DHX15: variants seen among roughly 807,000 people sequenced by gnomAD.
The protein encoded by DHX15 is ATP-dependent RNA helicase DHX15.
In DHX15, 11 loss-of-function variants were observed where a neutral mutation model predicts 94.4. The observed-to-expected ratio is 0.12, with a 90% CI of 0.07 to 0.19. The LOEUF is 0.19. DHX15 is among the 10% of genes least tolerant of loss of function. The pLI, the probability that DHX15 is intolerant of heterozygous loss-of-function variation, is 1.00. For missense variants in DHX15, 304 were observed against 988.5 expected (o/e 0.31, Z 9.29); for synonymous variants, 338 against 329.9 (o/e 1.02, Z -0.27).
intron 5 of DHX15, among the ~76,000 whole-genome samples, chr4:24,549,384 T>A (rs562943926): frequency 6.6e-6 from 1 of 152,204 alleles, no homozygotes; most frequent in African/African-American, 2.4e-5. Context: ...CTAAAAGAAA[T>A]TGATGTGCTA....
chr4:24,551,686 G>A (rs1420091801), intron 5 of DHX15, among the ~76,000 whole-genome samples: 1 of 152,082 alleles, frequency 6.6e-6, no homozygotes, highest in African/African-American at 2.4e-5. Flanking sequence ...CTGCTGGCAT[G>A]CAAATAAAAA....
At chr4:24,567,800 G>A (rs1722027583) in intron 3 of DHX15, among the ~76,000 whole-genome samples, 1 of 152,144 alleles carries the variant, frequency 6.6e-6, no homozygotes, top group African/African-American at 2.4e-5. Flanking sequence ...CAAGAAAACA[G>A]GAAAGTAAGT....
chr4:24,555,559 CTTGT>C (rs200546342), intron 4 of DHX15, among the ~76,000 whole-genome samples: 25 of 152,070 alleles, frequency 1.6e-4, no homozygotes, highest in Admixed American at 2.6e-4. Flanking sequence ...GTGTTGAACC[CTTGT>C]TTGTTTGTTT....
chr4:24,565,659 A>C (rs951748894), intron 3 of DHX15, among the ~76,000 whole-genome samples: 1 of 152,234 alleles, frequency 6.6e-6, no homozygotes, highest in Non-Finnish European at 1.5e-5. Context: ...TATTGTGCCA[A>C]AAGGAACTTT....
intron 1 of DHX15, among the ~76,000 whole-genome samples, chr4:24,578,698 T>C (rs972843977): frequency 1.3e-5 from 2 of 152,198 alleles, no homozygotes; most frequent in African/African-American, 4.8e-5. Context: ...CCCGAGTAAC[T>C]GGGACTACAG....
rs1466617713 is a variant in DHX15, at chr4:24,533,210, A to T, written c.1910-156T>A. 5.9e-6 allele frequency: 4 copies of T among 680,138 alleles called. No homozygotes were observed. In the East Asian group the frequency reaches 1.1e-4, roughly 18 times the overall value. 42.1% of individuals were successfully genotyped at this position (680,138 alleles called of 1,614,324 possible). On this transcript the variant is annotated intron_variant, in intron 11 of 13. Transcript: ENST00000336812. Reference sequence around the variant, plus strand: ...CTTTAAATGAACTGCAATGTTACCAACTTTCTCAAAGATCTGTAGTGTGAT... The same window carrying T: ...CTTTAAATGAACTGCAATGTTACCATCTTTCTCAAAGATCTGTAGTGTGAT...
chr4:24,554,706 A>G lies in DHX15; in HGVS notation c.1080+19T>C. The G allele has an allele frequency of 6.3e-7, 1 of 1,590,292 alleles. No individual in the cohort carries two copies. Among genetic ancestry groups the G allele is most frequent in the Non-Finnish European group, 8.6e-7 (1 of 1,162,750 alleles). ...ACAGTATGTCAAAAGCTAAATAATG[A>G]AGAAAATTAAAACAATACCTCTTGA... On this transcript the variant is annotated intron_variant, in intron 5 of 13. Transcript: ENST00000336812.
intron 2 of DHX15, among the ~76,000 whole-genome samples, chr4:24,575,436 G>A (rs1722236551): frequency 6.6e-6 from 1 of 152,260 alleles, no homozygotes; most frequent in Non-Finnish European, 1.5e-5. Context: ...AGTGTATAAA[G>A]ACAGTTACTT....
chr4:24,577,823 T>C lies in DHX15; in HGVS notation c.72-1145A>G, dbSNP rs375600408. 8.5e-5 allele frequency among the ~76,000 whole-genome samples: 13 copies of C among 152,286 alleles called. No homozygotes were observed. In the East Asian group the frequency reaches 2.5e-3, roughly 29 times the overall value. On this transcript the variant is annotated intron_variant, in intron 1 of 13. Transcript: ENST00000336812. Reference sequence around the variant, plus strand: ...AATCTATGCTTGTTCATTTTACTAATCCAGTTTACTTCAGACCAAGTCCAT... The same window carrying C: ...AATCTATGCTTGTTCATTTTACTAACCCAGTTTACTTCAGACCAAGTCCAT...
At chr4:24,552,461 G>A (rs12509760) in intron 5 of DHX15, among the ~76,000 whole-genome samples, 53,493 of 151,984 alleles carry the variant, frequency 0.35, 9,699 homozygotes, top group South Asian at 0.48. Flanking sequence ...TAACTCATGT[G>A]ACTACAGAAG....
At chr4:24,530,085 G>C (rs150540421) in intron 12 of DHX15, 5 of 397,280 alleles carry the variant, frequency 1.3e-5, no homozygotes, top group South Asian at 5.3e-5. Flanking sequence ...TATCCATAAG[G>C]AAAGTTTTAT....
In DHX15 at chr4:24,540,787, A is replaced by G. The variant is rs146893516; in HGVS notation, c.1594+53T>C. 19 of 1,011,084 alleles carry G rather than the reference A, an allele frequency of 1.9e-5. No individual in the cohort carries two copies. The East Asian group carries it at 4.1e-4, about 22-fold the overall frequency. 62.6% of individuals were successfully genotyped at this position (1,011,084 alleles called of 1,614,324 possible). A position where few individuals can be genotyped will look rare whatever the true frequency, so the allele number is the denominator to read the frequency against. On this transcript the variant is annotated intron_variant, in intron 9 of 13. Coordinates refer to ENST00000336812, the MANE Select transcript of DHX15 (RefSeq NM_001358.3). ...TTAAATAGGATGGAGAAAAACACTA[A>G]GAGTCAATTTTGGTTAAAAGATCTG...
intron 8 of DHX15, 117 bp downstream of exon 8, chr4:24,541,756 G>A: frequency 9.2e-7 from 1 of 1,085,264 alleles, no homozygotes. Flanking sequence ...TCCTGGAAAA[G>A]CTAAGGAGCT....
At chr4:24,547,897 G>GTGTA (rs1489666128) in intron 6 of DHX15, among the ~76,000 whole-genome samples, 1 of 55,766 alleles carries the variant, frequency 1.8e-5, no homozygotes, top group Non-Finnish European at 3.4e-5. Context: ...CTCTATGTAT[G>GTGTA]TATGTGTATA....
chr4:24,573,068 G>A (rs1365960948), intron 2 of DHX15, among the ~76,000 whole-genome samples: 3 of 151,968 alleles, frequency 2.0e-5, no homozygotes, highest in South Asian at 2.1e-4. Flanking sequence ...GCGCCACCAC[G>A]CCCAGCTGAT....
At chr4:24,547,352 C>G (rs977084688) in intron 6 of DHX15, among the ~76,000 whole-genome samples, 7 of 152,210 alleles carry the variant, frequency 4.6e-5, no homozygotes, top group African/African-American at 1.7e-4. Flanking sequence ...ACTGCTGAGT[C>G]ACTCTTTTCA....
chr4:24,570,467 TC>T (rs1442333522), intron 3 of DHX15, among the ~76,000 whole-genome samples, 186 bp downstream of exon 3: 5 of 152,162 alleles, frequency 3.3e-5, no homozygotes, highest in African/African-American at 1.2e-4. Flanking sequence ...AACTTCAATT[TC>T]TACCAAGTAA....
intron 6 of DHX15, among the ~76,000 whole-genome samples, chr4:24,544,575 G>A (rs578180745): frequency 2.6e-5 from 4 of 152,254 alleles, no homozygotes; most frequent in East Asian, 1.9e-4. Flanking sequence ...AAGGTTAACA[G>A]GTGAAACTTG....
At chr4:24,532,068 T>C (rs374583458) in intron 12 of DHX15, among the ~76,000 whole-genome samples, 123 of 152,324 alleles carry the variant, frequency 8.1e-4, no homozygotes, top group African/African-American at 2.5e-3. Context: ...AAGAGACTTA[T>C]CCCAAATCAG....
Sources: allele counts gnomAD v4.1 joint callset (sites outside exome capture counted in the v4.1 genomes callset), GRCh38; gene constraint gnomAD v4.1.1; transcripts MANE v1.5; gene names NCBI Gene and HGNC (gene_info 2026-07-23, HGNC 2026-07-21).